CSMD3: variants seen among roughly 807,000 people sequenced by gnomAD.
The protein encoded by CSMD3 is CUB and Sushi multiple domains 3, also known as CUB and sushi domain-containing protein 3.
CSMD3 carries 177 observed loss-of-function variants against 435.2 expected under a neutral mutation model. That is an observed-to-expected ratio of 0.41 (90% CI 0.36 to 0.46). The LOEUF is 0.46. Among genes scored for constraint, CSMD3 ranks in the 20% least tolerant of loss-of-function variants. The pLI is 0.34. For missense variants in CSMD3, 4,265 were observed against 4,504.6 expected (o/e 0.95, Z 1.52); for synonymous variants, 1,656 against 1,520.5 (o/e 1.09, Z -2.07).
chr8:113,195,036 AG>A (rs1001022608), intron 3 of CSMD3, among the ~76,000 whole-genome samples: 9 of 151,258 alleles, frequency 6.0e-5, no homozygotes, highest in East Asian at 3.9e-4. Context: ...ACTCAATTAC[AG>A]GTCATTCATT....
At chr8:112,365,566 A>G (rs1389472191) in intron 38 of CSMD3, among the ~76,000 whole-genome samples, 1 of 151,272 alleles carries the variant, frequency 6.6e-6, no homozygotes, top group Non-Finnish European at 1.5e-5. Context: ...GAAGGATAAA[A>G]TACTAGTTTG....
chr8:113,080,717 T>C (rs538633863), intron 5 of CSMD3, among the ~76,000 whole-genome samples: 2 of 152,328 alleles, frequency 1.3e-5, no homozygotes, highest in Admixed American at 1.3e-4. Context: ...CTTATTTCCC[T>C]AGGTGTAGTT....
chr8:113,420,820 G>T (rs976737437), intron 1 of CSMD3, among the ~76,000 whole-genome samples: 1 of 151,796 alleles, frequency 6.6e-6, no homozygotes, highest in Non-Finnish European at 1.5e-5. Flanking sequence ...TTGGTGTCAG[G>T]CACCTGCAAT....
intron 3 of CSMD3, among the ~76,000 whole-genome samples, chr8:113,190,833 A>G (rs142529742): frequency 1.3e-5 from 2 of 151,772 alleles, no homozygotes; most frequent in East Asian, 3.9e-4. Context: ...TGTTTCCTAA[A>G]TGTTTGTTTT....
chr8:112,509,133 C>A lies in CSMD3; in HGVS notation c.4757-2304G>T, dbSNP rs1822836177. The stretch of plus-strand genomic sequence containing the variant: ...ACAGGGTCTCACTCTGTGGCCCAGG[C>A]TGCTGGAGTGCAGTGGCACGACCAC... On this transcript the variant is annotated intron_variant, in intron 28 of 70. Coordinates refer to ENST00000297405, the MANE Select transcript of CSMD3 (RefSeq NM_198123.2). 2.7e-5 allele frequency among the ~76,000 whole-genome samples: 4 copies of A among 148,550 alleles called. No individual in the cohort carries two copies. In the South Asian group the frequency reaches 8.4e-4, roughly 31 times the overall value.
chr8:112,724,819 T>C (rs913608406), intron 13 of CSMD3, among the ~76,000 whole-genome samples: 2 of 151,916 alleles, frequency 1.3e-5, no homozygotes, highest in Non-Finnish European at 2.9e-5. Flanking sequence ...GAGAAAACAA[T>C]GTGACAGGAG....
intron 9 of CSMD3, among the ~76,000 whole-genome samples, chr8:112,940,338 G>A (rs943503514): frequency 6.6e-6 from 1 of 151,620 alleles, no homozygotes; most frequent in African/African-American, 2.4e-5. Context: ...CACATCTAGT[G>A]TGACATAAGA....
chr8:113,148,416 C>G (rs555324550), intron 4 of CSMD3, among the ~76,000 whole-genome samples: 1 of 151,834 alleles, frequency 6.6e-6, no homozygotes, highest in Non-Finnish European at 1.5e-5. Flanking sequence ...AATACTGTAT[C>G]ACTTCCTCAT....
At chr8:112,317,280 T>A (rs1822563060) in intron 47 of CSMD3, among the ~76,000 whole-genome samples, 1 of 151,982 alleles carries the variant, frequency 6.6e-6, no homozygotes, top group African/African-American at 2.4e-5. Flanking sequence ...CTGTAAAATA[T>A]CTAGCTTATC....
intron 4 of CSMD3, among the ~76,000 whole-genome samples, chr8:113,103,106 C>T (rs1254116343): frequency 6.6e-6 from 1 of 152,070 alleles, no homozygotes; most frequent in African/African-American, 2.4e-5. Context: ...CTAGATATGT[C>T]AGAAGAAATA....
At chr8:112,947,524 T>C (rs1401712302) in intron 9 of CSMD3, among the ~76,000 whole-genome samples, 1 of 151,704 alleles carries the variant, frequency 6.6e-6, no homozygotes, top group Admixed American at 6.6e-5. Flanking sequence ...CAAAGTTATG[T>C]CTTTAAAATC....
intron 1 of CSMD3, among the ~76,000 whole-genome samples, chr8:113,377,737 A>G (rs2094395023): frequency 6.6e-6 from 1 of 152,186 alleles, no homozygotes; most frequent in East Asian, 1.9e-4. Context: ...TGAGATCTGT[A>G]TTGGGGTTCA....
chr8:113,232,739 ACCCGT>A (rs2093102699), intron 3 of CSMD3, among the ~76,000 whole-genome samples: 2 of 151,716 alleles, frequency 1.3e-5, no homozygotes, highest in Non-Finnish European at 3.0e-5. Flanking sequence ...GCATTTGATT[ACCCGT>A]AAGTGCCATT....
In CSMD3 at chr8:113,287,275, A is replaced by T. The variant is rs73701355; in HGVS notation, c.402-8571T>A. Among the ~76,000 whole-genome samples the T allele has an allele frequency of 7.7e-3, 1,166 of 152,162 alleles. 19 individuals are homozygous for T. The highest frequency in any genetic ancestry group is 0.027 in the African/African-American group (1,116 of 41,556). ...ATTTTTCTTTGGTTCAACAGTCCTT[A>T]AAAATGATCCAAGGATATACAGAGA... On this transcript the variant is annotated intron_variant, in intron 2 of 70. Coordinates refer to ENST00000297405, the MANE Select transcript of CSMD3 (RefSeq NM_198123.2).
At chr8:112,341,363 G>GT (rs79227508) in intron 42 of CSMD3, 114 bp downstream of exon 42, 166,599 of 615,546 alleles carry the variant, frequency 0.27, 1 homozygote, top group South Asian at 0.35. Flanking sequence ...CTTGGCTTAA[G>GT]TTTTTTTTTT....
chr8:112,957,623 G>A (rs896271614), intron 7 of CSMD3, among the ~76,000 whole-genome samples: 3 of 151,730 alleles, frequency 2.0e-5, no homozygotes, highest in South Asian at 2.1e-4. Flanking sequence ...GCTAATTTTC[G>A]TAGTTATAAT....
At chr8:113,233,921 C>T (rs947894925) in intron 3 of CSMD3, among the ~76,000 whole-genome samples, 2 of 151,924 alleles carry the variant, frequency 1.3e-5, no homozygotes, top group South Asian at 2.1e-4. Flanking sequence ...TAGCAGTAGC[C>T]AGAATTTCCA....
At chr8:112,748,557 A>G (rs2077493896) in intron 13 of CSMD3, among the ~76,000 whole-genome samples, 1 of 151,922 alleles carries the variant, frequency 6.6e-6, no homozygotes, top group South Asian at 2.1e-4. Flanking sequence ...AGTTCTTATT[A>G]TTTAGCTCCC....
At chr8:113,389,469 A>C (rs1249253385) in intron 1 of CSMD3, among the ~76,000 whole-genome samples, 2 of 151,708 alleles carry the variant, frequency 1.3e-5, no homozygotes, top group African/African-American at 4.8e-5. Context: ...AAAGTGGCTA[A>C]TGTATTGAAG....
Sources: gnomAD v4.1 joint callset for allele counts (sites outside exome capture counted in the v4.1 genomes callset) on GRCh38, gnomAD v4.1.1 for gene constraint, MANE v1.5 for transcripts, NCBI Gene and HGNC (gene_info 2026-07-23, HGNC 2026-07-21) for gene names.